ZNF33B: variants seen among roughly 807,000 people sequenced by gnomAD.
The protein encoded by ZNF33B is zinc finger protein 11b (KOX 2).
Under a neutral mutation model 45.8 loss-of-function variants are expected in ZNF33B, and 29 were observed. That is an observed-to-expected ratio of 0.63 (90% CI 0.47 to 0.86). The LOEUF (loss-of-function observed/expected upper bound fraction) is 0.86, where lower values mean the gene tolerates loss of function less well. ZNF33B is among the 40% of genes least tolerant of loss of function. The probability of loss-of-function intolerance (pLI) is 0.00; values close to 1 mark genes in which losing one functional copy is unlikely to be tolerated. For missense variants in ZNF33B, 831 were observed against 909.9 expected (o/e 0.91, Z 1.12); for synonymous variants, 305 against 307.8 (o/e 0.99, Z 0.10).
intron 4 of ZNF33B, among the ~76,000 whole-genome samples, chr10:42,607,755 A>G (rs1280225607): frequency 6.6e-6 from 1 of 152,186 alleles, no homozygotes; most frequent in Non-Finnish European, 1.5e-5. Context: ...AAAATAGTTA[A>G]GTTGAACCTT....
chr10:42,599,230 CG>C (rs1837524849), intron 4 of ZNF33B, among the ~76,000 whole-genome samples: 1 of 151,938 alleles, frequency 6.6e-6, no homozygotes, highest in Non-Finnish European at 1.5e-5. Context: ...TCCATTTTAT[CG>C]ATCTTCTCAA....
At chr10:42,620,413 T>C (rs1176889424) in intron 4 of ZNF33B, among the ~76,000 whole-genome samples, 1 of 151,990 alleles carries the variant, frequency 6.6e-6, no homozygotes, top group Non-Finnish European at 1.5e-5. Context: ...ATTGATTTAT[T>C]TATTTTTTAG....
chr10:42,584,946 G>A (rs1459687574), downstream of ZNF33B, among the ~76,000 whole-genome samples: 2 of 152,188 alleles, frequency 1.3e-5, no homozygotes, highest in Non-Finnish European at 2.9e-5. Context: ...GGCTCTGCTC[G>A]ATGCCCTGCA....
intron 4 of ZNF33B, among the ~76,000 whole-genome samples, chr10:42,625,719 C>T (rs11239708): frequency 0.11 from 17,143 of 152,270 alleles, 1,166 homozygotes; most frequent in African/African-American, 0.18. Context: ...GTGATCCACT[C>T]GCCACGGCCT....
Position 42,592,425 on chromosome 10 carries a change from C to T in ZNF33B, c.*188G>A, listed in dbSNP as rs1837167632. 9.3e-6 allele frequency: 8 copies of T among 863,648 alleles called. No homozygotes were observed. In the South Asian group the frequency reaches 1.5e-4, roughly 16 times the overall value. The allele number at this position is 863,648 out of a possible 1,614,324, so 53.5% of individuals were successfully genotyped here. ...CTGATATTCAACAGAATATCACTTC[C>T]TAACAAAAGCCATCCTATAGTTGTT... On this transcript the variant is annotated 3_prime_UTR_variant, in exon 5 of 5. Transcript: ENST00000359467.
In ZNF33B at chr10:42,636,711, T is replaced by G. The variant is rs1420911854; in HGVS notation, c.9+209A>C. 9.9e-5 allele frequency: 61 copies of G among 617,216 alleles called. No homozygotes were observed. The East Asian group carries it at 1.7e-3, about 18-fold the overall frequency. The allele number at this position is 617,216 out of a possible 1,614,324, so 38.2% of individuals were successfully genotyped here. ...GGCCTGCGCCTGTAGTCCCAGCCAA[T>G]CGGGAGGCTGAGGCAGGTGAATTGC... On this transcript the variant is annotated intron_variant, in intron 2 of 4. Transcript: ENST00000359467.
chr10:42,586,538 G>C (rs956924117), downstream of ZNF33B, among the ~76,000 whole-genome samples: 5 of 152,104 alleles, frequency 3.3e-5, no homozygotes, highest in African/African-American at 1.2e-4. Context: ...TTGAATTCCC[G>C]GGCTCAATCC....
In ZNF33B at chr10:42,623,458, C is replaced by T. The variant is rs562343568; in HGVS notation, c.250+8471G>A. Among the ~76,000 whole-genome samples the T allele has an allele frequency of 5.6e-3, 859 of 152,234 alleles. 6 individuals carry two copies. The highest frequency in any genetic ancestry group is 0.02 in the African/African-American group (819 of 41,526). ...TTATTCACAACAGCCAAAAGGTGTACGACCCAAGTGTACATCAACAGATGA... is the reference window on the plus strand; with the variant it reads ...TTATTCACAACAGCCAAAAGGTGTATGACCCAAGTGTACATCAACAGATGA... On this transcript the variant is annotated intron_variant, in intron 4 of 4. Transcript: ENST00000359467.
intron 4 of ZNF33B, among the ~76,000 whole-genome samples, chr10:42,618,686 C>T (rs1394901037): frequency 6.6e-6 from 1 of 152,120 alleles, no homozygotes; most frequent in Admixed American, 6.6e-5. Context: ...CATTTATCCT[C>T]CTATGAGTTT....
At chr10:42,609,360 G>A (rs943733695) in intron 4 of ZNF33B, among the ~76,000 whole-genome samples, 1 of 152,112 alleles carries the variant, frequency 6.6e-6, no homozygotes, top group Non-Finnish European at 1.5e-5. Flanking sequence ...TCAGGCTGCA[G>A]TGAGCCATGA....
At chr10:42,599,167 T>G (rs1312879250) in intron 4 of ZNF33B, among the ~76,000 whole-genome samples, 2 of 152,190 alleles carry the variant, frequency 1.3e-5, no homozygotes, top group Non-Finnish European at 2.9e-5. Context: ...GAATCTTCAG[T>G]GATACATCAT....
chr10:42,631,766 T>C (rs1348386293), intron 4 of ZNF33B, 163 bp downstream of exon 4: 1 of 640,978 alleles, frequency 1.6e-6, no homozygotes, highest in Non-Finnish European at 2.8e-6. Context: ...GTGAGTAGTA[T>C]CTGGAGGTTT....
Position 42,594,295 on chromosome 10 carries a change from A to G in ZNF33B, c.655T>C (p.Phe219Leu). 1 of 1,613,930 alleles carries G rather than the reference A, an allele frequency of 6.2e-7. No homozygotes were observed. The highest frequency in any genetic ancestry group is 8.5e-7 in the Non-Finnish European group (1 of 1,179,914). The part of the protein sequence containing the change: ...HEKIQTLDHN[F>L]EYSICQETLL... ...GTTTCCTGACATATACTGTATTCAAAATTGTGGTCTAAAGTTTGAATCTTC... is the reference window on the plus strand; with the variant it reads ...GTTTCCTGACATATACTGTATTCAAGATTGTGGTCTAAAGTTTGAATCTTC... The change falls in exon 5 of 5, where the codon TTT becomes CTT. Residue 219 changes from phenylalanine to leucine, a missense_variant. Coordinates refer to ENST00000359467, the MANE Select transcript of ZNF33B (RefSeq NM_006955.3).
At position 42,632,413 on chromosome 10, in the gene ZNF33B, T is replaced by C. The variant is rs774203576; in HGVS notation, c.36A>G (p.Val12=). 2.5e-6 allele frequency: 4 copies of C among 1,613,496 alleles called. No homozygotes were observed. Among genetic ancestry groups the C allele is most frequent in the Middle Eastern group, 1.6e-4 (1 of 6,084 alleles). Residue 12 remains valine (V), a synonymous_variant, in exon 3 of 5, where the codon GTA becomes GTG. Transcript: ENST00000359467. The stretch of plus-strand genomic sequence containing the variant: ...AGCCCACAGTCACATCTTTAAATGA[T>C]ACTGACCCCTGGAACTTCTGATCTA... The part of the protein sequence containing the change: ...NKVDQKFQGS[V]SFKDVTVGFT...
At position 42,636,909 on chromosome 10, in the gene ZNF33B, A is replaced by G. The variant is rs987058692; in HGVS notation, c.9+11T>C. ...CCGCAAAATAAAGTAGGGAATTAAT[A>G]AACAACTTACCTTGTTCATTTTGTT... is the stretch of plus-strand genomic sequence containing the variant. On this transcript the variant is annotated intron_variant, in intron 2 of 4. Transcript: ENST00000359467. 8.1e-6 allele frequency: 13 copies of G among 1,614,042 alleles called. No homozygotes were observed. In the African/African-American group the frequency reaches 1.3e-4, roughly 17 times the overall value.
At chr10:42,632,271 A>T in intron 3 of ZNF33B, 24 bp downstream of exon 3, 1 of 1,586,572 alleles carries the variant, frequency 6.3e-7, no homozygotes, top group Non-Finnish European at 8.5e-7. Flanking sequence ...TGCTATTTAG[A>T]ATGATACAGT....
intron 4 of ZNF33B, among the ~76,000 whole-genome samples, chr10:42,618,710 G>A (rs1838438840): frequency 6.6e-6 from 1 of 152,084 alleles, no homozygotes. Context: ...GAGCTTCTTG[G>A]ATGAATATAT....
At chr10:42,606,375 G>C (rs1184759566) in intron 4 of ZNF33B, among the ~76,000 whole-genome samples, 1 of 152,050 alleles carries the variant, frequency 6.6e-6, no homozygotes, top group Non-Finnish European at 1.5e-5. Context: ...TGAGACAGAA[G>C]AATCACTTGA....
intron 4 of ZNF33B, among the ~76,000 whole-genome samples, chr10:42,603,927 CTAAA>C (rs1837732594): frequency 6.6e-6 from 1 of 152,046 alleles, no homozygotes; most frequent in Non-Finnish European, 1.5e-5. Context: ...GTCAAGTTGC[CTAAA>C]TAAATAAGAA....
Sources: gnomAD v4.1 joint callset for allele counts (sites outside exome capture counted in the v4.1 genomes callset) on GRCh38, gnomAD v4.1.1 for gene constraint, MANE v1.5 for transcripts, NCBI Gene and HGNC (gene_info 2026-07-23, HGNC 2026-07-21) for gene names.